GRM4: variants seen among roughly 807,000 people sequenced by gnomAD.
GRM4 encodes metabotropic glutamate receptor 4.
In GRM4, 28 loss-of-function variants were observed where a neutral mutation model predicts 81.7. The ratio of observed to expected loss-of-function variants is 0.34; its 90% CI spans 0.25 to 0.47. GRM4 has a LOEUF of 0.47. GRM4 is among the 20% of genes least tolerant of loss of function. The pLI is 1.00. For synonymous variants in GRM4, 488 were observed against 528.8 expected (o/e 0.92, Z 1.06); for missense variants, 948 against 1,290.0 (o/e 0.73, Z 4.06).
intron 2 of GRM4, among the ~76,000 whole-genome samples, chr6:34,131,882 A>G (rs1271736647): frequency 6.6e-6 from 1 of 152,042 alleles, no homozygotes; most frequent in Non-Finnish European, 1.5e-5. Flanking sequence ...TGAGGGAGGG[A>G]CCAAGCAGCT....
intron 2 of GRM4, among the ~76,000 whole-genome samples, chr6:34,108,382 C>T (rs1419453845): frequency 6.6e-6 from 1 of 152,232 alleles, no homozygotes; most frequent in Admixed American, 6.5e-5. Flanking sequence ...AAACCTGTTG[C>T]AGACAGAGCT....
At chr6:34,144,163 G>A (rs545702402) in intron 1 of GRM4, among the ~76,000 whole-genome samples, 1 of 151,460 alleles carries the variant, frequency 6.6e-6, no homozygotes, top group Non-Finnish European at 1.5e-5. Flanking sequence ...TCGTACGTTC[G>A]GGCCTCAGGA....
At chr6:34,100,497 T>TC (rs974194396) in intron 2 of GRM4, among the ~76,000 whole-genome samples, 2 of 152,046 alleles carry the variant, frequency 1.3e-5, no homozygotes, top group Non-Finnish European at 2.9e-5. Context: ...TCCACCAGCC[T>TC]CCCCCCATAC....
intron 10 of GRM4, among the ~76,000 whole-genome samples, chr6:34,025,493 A>G (rs570162834): frequency 2.0e-5 from 3 of 152,146 alleles, no homozygotes; most frequent in Non-Finnish European, 4.4e-5. Flanking sequence ...GAGAAAGTGT[A>G]GAGAGGAAGG....
In GRM4 at chr6:34,036,028, G is replaced by A; in HGVS notation, c.2082C>T (p.Ile694=). Reference sequence around the variant, plus strand: ...TGATGGCCAGCTGTGAGGCGGGGCTGATGAAGCGTGGGGCACTGACCGAGC... The same window carrying A: ...TGATGGCCAGCTGTGAGGCGGGGCTAATGAAGCGTGGGGCACTGACCGAGC... ...GKRSVSAPRF[I]SPASQLAITF... is the part of the protein sequence containing the mutation. The change falls in exon 9 of 11, where the codon ATC becomes ATT. Residue 694 remains isoleucine, a synonymous_variant. Coordinates refer to ENST00000538487, the MANE Select transcript of GRM4 (RefSeq NM_000841.4). The surrounding 1 kb of genome is among the most constrained non-coding windows in gnomAD (Gnocchi z 9.0). The A allele has an allele frequency of 6.2e-7, 1 of 1,614,114 alleles. No individual in the cohort carries two copies. The highest frequency in any genetic ancestry group is 1.3e-5 in the African/African-American group (1 of 75,076).
chr6:34,118,486 C>A (rs1769681787), intron 2 of GRM4, among the ~76,000 whole-genome samples: 1 of 152,204 alleles, frequency 6.6e-6, no homozygotes, highest in African/African-American at 2.4e-5. Context: ...GGTGGCCCCC[C>A]ACACATTAAC....
intron 2 of GRM4, among the ~76,000 whole-genome samples, chr6:34,099,097 A>G (rs553400358): frequency 6.6e-6 from 1 of 152,322 alleles, no homozygotes; most frequent in South Asian, 2.1e-4. Flanking sequence ...GGCTGGGAGA[A>G]CAAAGATTTC....
Position 34,035,811 on chromosome 6 carries a change from A to C in GRM4, c.2299T>G (p.Cys767Gly), listed in dbSNP as rs753858708. 6.2e-7 allele frequency: 1 copy of C among 1,613,872 alleles called. No individual in the cohort carries two copies. Among genetic ancestry groups the C allele is most frequent in the Admixed American group, 1.7e-5 (1 of 60,024 alleles). ...CGTGTCTTGATGGCATACACGGTGC[A>C]CGTGACCATGAGCAGCATGCTGTAG... The part of the protein sequence containing the change: ...LGYSMLLMVT[C>G]TVYAIKTRGV... Residue 767 changes from cysteine (C) to glycine (G), a missense_variant, in exon 9 of 11, where the codon TGC (cysteine) becomes GGC (glycine). By Grantham distance (159) the Cys-to-Gly change is radical. Coordinates refer to ENST00000538487, the MANE Select transcript of GRM4 (RefSeq NM_000841.4). This position sits in a 1 kb window ranked among gnomAD's most constrained non-coding sequence, Gnocchi z 6.6.
At position 34,064,241 on chromosome 6, in the gene GRM4, A is replaced by T. The variant is rs1766334964; in HGVS notation, c.737-2213T>A. ...TGTGCAGAGCTCCGTAATACTAATG[A>T]ACATTTATGGAGTGTCCAATGCATG... On this transcript the variant is annotated intron_variant, in intron 3 of 10. Coordinates refer to ENST00000538487, the MANE Select transcript of GRM4 (RefSeq NM_000841.4). This position sits in a 1 kb window ranked among gnomAD's most constrained non-coding sequence, Gnocchi z 4.4. 6.6e-6 allele frequency among the ~76,000 whole-genome samples: 1 copy of T among 152,204 alleles called. No individual in the cohort carries two copies. Among genetic ancestry groups the T allele is most frequent in the Non-Finnish European group, 1.5e-5 (1 of 68,034 alleles).
At chr6:34,105,972 G>A (rs1769106777) in intron 2 of GRM4, 1 of 152,302 alleles carries the variant, frequency 6.6e-6, no homozygotes. Context: ...ATCTCTGTCT[G>A]GGCTATCACA....
At chr6:34,108,484 G>A (rs1270007178) in intron 2 of GRM4, among the ~76,000 whole-genome samples, 1 of 152,288 alleles carries the variant, frequency 6.6e-6, no homozygotes, top group African/African-American at 2.4e-5. Context: ...CCTCACAGCC[G>A]GGCCCTGCCT....
chr6:34,135,324 C>T (rs1190648658), intron 1 of GRM4, among the ~76,000 whole-genome samples: 1 of 152,214 alleles, frequency 6.6e-6, no homozygotes, highest in Non-Finnish European at 1.5e-5. Context: ...CCTCATTTCA[C>T]ATTTCACCCC....
At chr6:34,104,069 T>C (rs1768995527) in intron 2 of GRM4, among the ~76,000 whole-genome samples, 1 of 152,238 alleles carries the variant, frequency 6.6e-6, no homozygotes, top group Non-Finnish European at 1.5e-5. Context: ...CTGAGGAACA[T>C]GCCTGGGTTC....
chr6:34,133,649 C>A lies in GRM4; in HGVS notation c.-153G>T. 1 of 1,421,602 alleles carries A rather than the reference C, an allele frequency of 7.0e-7. No individual in the cohort carries two copies. The allele number at this position is 1,421,602 out of a possible 1,614,324, so 88.1% of individuals were successfully genotyped here. ...CGTAGCCCATGCTGCTACCCTCTCCCACCTCCTTGTCACTCGGGCCAAGCA... is the reference window on the plus strand; with the variant it reads ...CGTAGCCCATGCTGCTACCCTCTCCAACCTCCTTGTCACTCGGGCCAAGCA... On this transcript the variant is annotated 5_prime_UTR_variant, in exon 2 of 11. Transcript: ENST00000538487. This position sits in a 1 kb window ranked among gnomAD's most constrained non-coding sequence, Gnocchi z 6.5.
chr6:34,145,911 G>T, intron 1 of GRM4, 89 bp downstream of exon 1: 1 of 801,002 alleles, frequency 1.2e-6, no homozygotes, highest in Non-Finnish European at 1.5e-6. Context: ...CCGCCCTGCT[G>T]GCAGCTCCCC....
chr6:34,084,664 A>G (rs369689527), intron 3 of GRM4, among the ~76,000 whole-genome samples: 1 of 152,182 alleles, frequency 6.6e-6, no homozygotes, highest in East Asian at 1.9e-4. Flanking sequence ...ATTGGCCTAA[A>G]AGAAACTCTC....
intron 1 of GRM4, among the ~76,000 whole-genome samples, chr6:34,137,182 C>G (rs1467758016): frequency 2.6e-5 from 4 of 152,234 alleles, no homozygotes; most frequent in African/African-American, 9.6e-5. Flanking sequence ...GGCCCCACCC[C>G]CAGACGGGCC....
At chr6:34,123,719 C>T (rs1272858630) in intron 2 of GRM4, among the ~76,000 whole-genome samples, 1 of 152,242 alleles carries the variant, frequency 6.6e-6, no homozygotes, top group Admixed American at 6.5e-5. Context: ...CCCCATTTTA[C>T]ACACAAGGAA....
intron 6 of GRM4, among the ~76,000 whole-genome samples, chr6:34,051,663 G>A (rs939990719): frequency 2.0e-5 from 3 of 151,942 alleles, no homozygotes; most frequent in Non-Finnish European, 4.4e-5. Flanking sequence ...GGAGGCAGGC[G>A]CTATCTTCCC....
Sources: allele counts gnomAD v4.1 joint callset (sites outside exome capture counted in the v4.1 genomes callset), GRCh38; gene constraint gnomAD v4.1.1; non-coding constraint Gnocchi (gnomAD v3.1); transcripts MANE v1.5; gene names NCBI Gene and HGNC (gene_info 2026-07-23, HGNC 2026-07-21).